Variants in KLK7 observed in about 807,000 individuals in gnomAD.
KLK7 encodes the protein kallikrein related peptidase 7, also known as kallikrein-7.
In KLK7, 17 loss-of-function variants were observed where a neutral mutation model predicts 21.0. That is an observed-to-expected ratio of 0.81 (90% CI 0.55 to 1.21). The LOEUF is 1.21. Ranked by LOEUF, KLK7 falls within the 50% of genes most tolerant of loss-of-function variation. The pLI, the probability that KLK7 is intolerant of heterozygous loss-of-function variation, is 0.00. For missense variants in KLK7, 330 were observed against 322.8 expected (o/e 1.02, Z -0.17); for synonymous variants, 151 against 134.6 (o/e 1.12, Z -0.85).
chr19:50,980,525 T>C (rs546780590), intron 3 of KLK7, 38 bp from the exon 4 acceptor site: 14 of 1,610,258 alleles, frequency 8.7e-6, no homozygotes, highest in Non-Finnish European at 1.1e-5. Flanking sequence ...GAAGAGACAC[T>C]GTGACAGAGA....
At chr19:50,982,142 A>T in intron 2 of KLK7, 185 bp downstream of exon 2, 1 of 866,294 alleles carries the variant, frequency 1.2e-6, no homozygotes, top group Non-Finnish European at 1.8e-6. Flanking sequence ...CACAGGAGGC[A>T]GGGCCTGGAG....
rs764180281 is a variant in KLK7, at chr19:50,977,671, C to A, written c.627G>T (p.Leu209Phe). The change falls in exon 6 of 6, where the codon TTG becomes TTT. Residue 209 changes from leucine (L) to phenylalanine (F), a missense_variant. Coordinates refer to ENST00000595820, the MANE Select transcript of KLK7 (RefSeq NM_005046.4). Reference sequence around the variant, plus strand: ...GACCTTGCAGGGTACCTCTGCACACCAACGGTCCCCCTGAGTCACCCTAGA... The same window carrying A: ...GACCTTGCAGGGTACCTCTGCACACAAACGGTCCCCCTGAGTCACCCTAGA... ...NACNGDSGGP[L>F]VCRGTLQGLV... The A allele has an allele frequency of 1.9e-6, 3 of 1,613,226 alleles. No individual in the cohort carries two copies. Among genetic ancestry groups the A allele is most frequent in the East Asian group, 4.5e-5 (2 of 44,888 alleles).
intron 5 of KLK7, among the ~76,000 whole-genome samples, chr19:50,979,107 CA>C (rs893138662): frequency 6.6e-6 from 1 of 151,940 alleles, no homozygotes; most frequent in Non-Finnish European, 1.5e-5. Flanking sequence ...GAGGGGATGA[CA>C]AAAGGCCAGA....
At chr19:50,980,731 G>A (rs1203706284) in intron 3 of KLK7, among the ~76,000 whole-genome samples, 11 of 90,700 alleles carry the variant, frequency 1.2e-4, no homozygotes, top group Non-Finnish European at 2.5e-4. Flanking sequence ...GAGAGAGGAG[G>A]GGGGAGAGAG....
intron 5 of KLK7, among the ~76,000 whole-genome samples, chr19:50,978,619 G>GA (rs1434330621): frequency 8.7e-6 from 1 of 114,672 alleles, no homozygotes; most frequent in African/African-American, 3.4e-5. Flanking sequence ...CAAAGAGAAA[G>GA]GGGGGGAAGG....
Position 50,977,056 on chromosome 19 carries a change from C to T in KLK7, c.*480G>A, listed in dbSNP as rs118183979. 0.021 allele frequency: 3,302 copies of T among 154,034 alleles called. 56 individuals are homozygous for T. Among genetic ancestry groups the T allele is most frequent in the Non-Finnish European group, 0.032 (2,181 of 69,218 alleles). The allele number at this position is 154,034 out of a possible 1,614,324, so 9.5% of individuals were successfully genotyped here. A position where few individuals can be genotyped will look rare whatever the true frequency, so the allele number is the denominator to read the frequency against. On this transcript the variant is annotated 3_prime_UTR_variant, in exon 6 of 6. Transcript: ENST00000595820. ...ACTCTGTCTCAAAGAAAAAAAACAT[C>T]GTTGTGCCAAGCCAGACTATTATTT...
Position 50,977,396 on chromosome 19 carries a change from G to T in KLK7, c.*140C>A. ...GTTTTAGGTCTTTACCAATTTGATT[G>T]GTTTATCAACAGGGCATGAGGTTGG... On this transcript the variant is annotated 3_prime_UTR_variant, in exon 6 of 6. Coordinates refer to ENST00000595820, the MANE Select transcript of KLK7 (RefSeq NM_005046.4). 1 of 797,606 alleles carries T rather than the reference G, an allele frequency of 1.3e-6. No individual in the cohort carries two copies. Among genetic ancestry groups the T allele is most frequent in the Non-Finnish European group, 2.0e-6 (1 of 499,624 alleles). The allele number at this position is 797,606 out of a possible 1,614,324, so 49.4% of individuals were successfully genotyped here. A position where few individuals can be genotyped will look rare whatever the true frequency, so the allele number is the denominator to read the frequency against.
chr19:50,981,423 G>A (rs1395316469), intron 3 of KLK7, among the ~76,000 whole-genome samples: 6 of 125,110 alleles, frequency 4.8e-5, no homozygotes, highest in Admixed American at 4.1e-4. Flanking sequence ...GAGGGGGACA[G>A]AGATCCAGAG....
Position 50,977,477 on chromosome 19 carries a change from C to T in KLK7, c.*59G>A, listed in dbSNP as rs141841169. On this transcript the variant is annotated 3_prime_UTR_variant, in exon 6 of 6. Coordinates refer to ENST00000595820, the MANE Select transcript of KLK7 (RefSeq NM_005046.4). ...CAAATTTGACTTCATAGGTCATCGG[C>T]GTCCTCACTCCTGTGCATTTTCTGT... The T allele has an allele frequency of 3.5e-5, 54 of 1,534,848 alleles. No individual in the cohort carries two copies. Among genetic ancestry groups the T allele is most frequent in the Middle Eastern group, 3.4e-4 (2 of 5,870 alleles).
intron 4 of KLK7, 132 bp from the exon 5 acceptor site, chr19:50,980,056 G>C: frequency 7.7e-7 from 1 of 1,298,472 alleles, no homozygotes; most frequent in South Asian, 1.5e-5. Flanking sequence ...AGGGAGGAGG[G>C]GCTGGGGTCT....
intron 3 of KLK7, 36 bp downstream of exon 3, chr19:50,981,731 T>C (rs746609831): frequency 6.5e-7 from 1 of 1,532,294 alleles, no homozygotes; most frequent in African/African-American, 1.4e-5. Context: ...CTGGAGACGC[T>C]GGTGCACCTC....
intron 5 of KLK7, among the ~76,000 whole-genome samples, 171 bp from the exon 6 acceptor site, chr19:50,977,862 A>G (rs2091048958): frequency 6.6e-6 from 1 of 152,208 alleles, no homozygotes; most frequent in Non-Finnish European, 1.5e-5. Flanking sequence ...TGCTAGGGAC[A>G]CACTAGGTCC....
rs572466191 is a variant in KLK7, at chr19:50,977,272, C to T, written c.*264G>A. 24 of 416,854 alleles carry T rather than the reference C, an allele frequency of 5.8e-5. No individual in the cohort carries two copies. The highest frequency in any genetic ancestry group is 8.6e-5 in the South Asian group (2 of 23,306). 25.8% of individuals were successfully genotyped at this position (416,854 alleles called of 1,614,324 possible). On this transcript the variant is annotated 3_prime_UTR_variant, in exon 6 of 6. Coordinates refer to ENST00000595820, the MANE Select transcript of KLK7 (RefSeq NM_005046.4). ...CGGTGTACGTTGACCAAGTGTCTTC[C>T]GTAAAGACTGTACGAACGTCCAGTT...
Position 50,980,294 on chromosome 19 carries a change from G to T in KLK7, c.415C>A (p.Pro139Thr), listed in dbSNP as rs750110597. The stretch of plus-strand genomic sequence containing the variant: ...GAGACAGTACAGGTGGTTCCAGGGG[G>T]TTCGCAGCGGGAGGGCAGCCTGACT... ...KKVRLPSRCE[P>T]PGTTCTVSGW... The change falls in exon 4 of 6, where the codon CCC becomes ACC. Residue 139 changes from proline to threonine, a missense_variant. Transcript: ENST00000595820. 1.2e-6 allele frequency: 2 copies of T among 1,614,042 alleles called. No individual in the cohort carries two copies. The highest frequency in any genetic ancestry group is 1.7e-6 in the Non-Finnish European group (2 of 1,179,976).
intron 3 of KLK7, among the ~76,000 whole-genome samples, 183 bp downstream of exon 3, chr19:50,981,584 C>T (rs2091089084): frequency 8.2e-6 from 1 of 122,584 alleles, no homozygotes; most frequent in Non-Finnish European, 1.6e-5. Context: ...GAGAGGGAGA[C>T]AGAGAGCCAG....
At chr19:50,982,123 G>T in intron 2 of KLK7, 1 of 835,510 alleles carries the variant, frequency 1.2e-6, no homozygotes, top group Non-Finnish European at 1.8e-6. Flanking sequence ...ACCACAGAGA[G>T]ACCCTGAGCA....
At position 50,980,436 on chromosome 19, in the gene KLK7, C is replaced by T. The variant is rs1156420401; in HGVS notation, c.273G>A (p.Gln91=). The part of the protein sequence containing the change: ...GSDTLGDRRA[Q]RIKASKSFRH... ...GGAATGACTTCGAGGCCTTGATCCT[C>T]TGAGCTCTCCTGTCGCCCAGCGTAT... The change falls in exon 4 of 6, where the codon CAG becomes CAA. Residue 91 remains glutamine, a synonymous_variant. Coordinates refer to ENST00000595820, the MANE Select transcript of KLK7 (RefSeq NM_005046.4). The T allele has an allele frequency of 6.2e-7, 1 of 1,614,026 alleles. No individual in the cohort carries two copies. Among genetic ancestry groups the T allele is most frequent in the East Asian group, 2.2e-5 (1 of 44,876 alleles).
rs193134294 is a variant in KLK7 at position 50,979,772 on chromosome 19, G to C, written c.606+16C>G. 88 of 1,562,438 alleles carry C rather than the reference G, an allele frequency of 5.6e-5. No individual in the cohort carries two copies. Among genetic ancestry groups the C allele is most frequent in the Middle Eastern group, 3.4e-4 (2 of 5,956 alleles). On this transcript the variant is annotated intron_variant, in intron 5 of 5. Transcript: ENST00000595820. The stretch of plus-strand genomic sequence containing the variant: ...GGTACCCAGGACTGGGGAGGAATTG[G>C]GGGGGAGGGTCTCACATTGCAGGCG...
rs993940902 is a variant in KLK7, at chr19:50,979,681, G to C, written c.606+107C>G. 2.7e-6 allele frequency: 3 copies of C among 1,119,482 alleles called. No individual in the cohort carries two copies. The Admixed American group carries it at 6.4e-5, about 24-fold the overall frequency. The allele number at this position is 1,119,482 out of a possible 1,614,324, so 69.3% of individuals were successfully genotyped here. A position where few individuals can be genotyped will look rare whatever the true frequency, so the allele number is the denominator to read the frequency against. On this transcript the variant is annotated intron_variant, in intron 5 of 5. Transcript: ENST00000595820. ...AAGCTGAGGAGGCCAGGCCTGGGGGGAGGGCAAGGCCGGGCTTGGTACCCA... is the reference window on the plus strand; with the variant it reads ...AAGCTGAGGAGGCCAGGCCTGGGGGCAGGGCAAGGCCGGGCTTGGTACCCA...
Sources: gnomAD v4.1 joint callset for allele counts (sites outside exome capture counted in the v4.1 genomes callset) on GRCh38, gnomAD v4.1.1 for gene constraint, MANE v1.5 for transcripts, NCBI Gene and HGNC (gene_info 2026-07-23, HGNC 2026-07-21) for gene names.